Variants in GRM7 observed in about 807,000 individuals in gnomAD.
The protein encoded by GRM7 is glutamate metabotropic receptor 7, also known as metabotropic glutamate receptor 7.
GRM7 carries 35 observed loss-of-function variants against 84.5 expected under a neutral mutation model. The ratio of observed to expected loss-of-function variants is 0.41; its 90% CI spans 0.32 to 0.55. The LOEUF (loss-of-function observed/expected upper bound fraction) is 0.55. Among genes scored for constraint, GRM7 ranks in the 20% least tolerant of loss-of-function variants. GRM7 has a pLI of 0.19. For missense variants in GRM7, 1,003 were observed against 1,194.6 expected (o/e 0.84, Z 2.36); for synonymous variants, 487 against 455.1 (o/e 1.07, Z -0.89).
At chr3:7,499,708 T>G (rs1259152437) in intron 7 of GRM7, among the ~76,000 whole-genome samples, 1 of 152,030 alleles carries the variant, frequency 6.6e-6, no homozygotes, top group Non-Finnish European at 1.5e-5. Context: ...GATAAAACTG[T>G]TGAAGTGGAA....
intron 1 of GRM7, among the ~76,000 whole-genome samples, chr3:6,866,878 T>C (rs370884698): frequency 2.0e-5 from 3 of 152,312 alleles, no homozygotes; most frequent in East Asian, 3.9e-4. Flanking sequence ...ATTAGAATCT[T>C]CCCCAAGATG....
rs991371959 is a variant in GRM7, at chr3:7,002,215, G to A, written c.519+140308G>A. Among the ~76,000 whole-genome samples the A allele has an allele frequency of 3.3e-5, 5 of 152,138 alleles. No homozygotes were observed. In the East Asian group the frequency reaches 5.8e-4, roughly 18 times the overall value. On this transcript the variant is annotated intron_variant, in intron 1 of 9. Transcript: ENST00000357716. ...ATCTAAGGGTATAGTGGTTAGCTAC[G>A]TAGGCTCTGAATCAAACAGACCTGC...
intron 8 of GRM7, among the ~76,000 whole-genome samples, chr3:7,652,401 G>T (rs748661611): frequency 6.6e-6 from 1 of 152,172 alleles, no homozygotes; most frequent in African/African-American, 2.4e-5. Context: ...AGCAGTACCC[G>T]GCAAAGAGCA....
chr3:7,730,639 C>G (rs896830834), intron 9 of GRM7, among the ~76,000 whole-genome samples: 1 of 152,120 alleles, frequency 6.6e-6, no homozygotes, highest in African/African-American at 2.4e-5. Context: ...ATAGCAAGAC[C>G]TGGATTTCAG....
At chr3:6,974,693 C>T (rs186896238) in intron 1 of GRM7, among the ~76,000 whole-genome samples, 174 of 152,096 alleles carry the variant, frequency 1.1e-3, no homozygotes, top group African/African-American at 4.0e-3. Flanking sequence ...AGATAAGGAC[C>T]GAGGATGGCC....
intron 9 of GRM7, among the ~76,000 whole-genome samples, chr3:7,733,935 C>A (rs1702411007): frequency 6.6e-6 from 1 of 152,196 alleles, no homozygotes; most frequent in African/African-American, 2.4e-5. Context: ...TAGCACAGTA[C>A]ATCCTCTTCC....
At chr3:7,150,077 G>T (rs1007220439) in intron 2 of GRM7, among the ~76,000 whole-genome samples, 4 of 145,604 alleles carry the variant, frequency 2.7e-5, no homozygotes, top group African/African-American at 9.9e-5. Flanking sequence ...ATATGTGTGT[G>T]TGTGTGTGTG....
chr3:7,017,742 G>C (rs1249916926), intron 1 of GRM7, among the ~76,000 whole-genome samples: 1 of 152,128 alleles, frequency 6.6e-6, no homozygotes, highest in Non-Finnish European at 1.5e-5. Flanking sequence ...CTTTTAAAAA[G>C]TTGCCCATAT....
In GRM7 at chr3:7,076,908, C is replaced by T. The variant is rs192421795; in HGVS notation, c.520-69544C>T. On this transcript the variant is annotated intron_variant, in intron 1 of 9. Coordinates refer to ENST00000357716, the MANE Select transcript of GRM7 (RefSeq NM_000844.4). ...AAAAGCAACCCCATCAAAAAGTGGG[C>T]GAAGGATATGAATAGAAACTTCTCA... Among the ~76,000 whole-genome samples the T allele has an allele frequency of 1.1e-4, 17 of 152,094 alleles. No individual in the cohort carries two copies. In the East Asian group the frequency reaches 1.2e-3, roughly 10 times the overall value.
At chr3:7,455,936 C>T (rs1202499096) in intron 6 of GRM7, among the ~76,000 whole-genome samples, 1 of 152,002 alleles carries the variant, frequency 6.6e-6, no homozygotes, top group Non-Finnish European at 1.5e-5. Flanking sequence ...TCAGGAGTTG[C>T]CTAGTATCTG....
chr3:7,448,690 A>G (rs1306142123), intron 5 of GRM7, among the ~76,000 whole-genome samples: 1 of 152,194 alleles, frequency 6.6e-6, no homozygotes, highest in Admixed American at 6.6e-5. Flanking sequence ...ATTAGCTCCA[A>G]AGACAAATTT....
intron 8 of GRM7, chr3:7,591,355 A>G (rs1312686367): frequency 7.1e-6 from 2 of 281,540 alleles, no homozygotes; most frequent in Non-Finnish European, 1.4e-5. Flanking sequence ...AACAGTAAAG[A>G]TGAAAAAAAT....
intron 1 of GRM7, among the ~76,000 whole-genome samples, chr3:7,082,618 G>C (rs1239340004): frequency 6.6e-6 from 1 of 152,110 alleles, no homozygotes; most frequent in Non-Finnish European, 1.5e-5. Flanking sequence ...AGCTGCCATA[G>C]ATAGTGCTTC....
chr3:7,175,687 G>A (rs142424113), intron 2 of GRM7, among the ~76,000 whole-genome samples: 2,005 of 152,130 alleles, frequency 0.013, 20 homozygotes, highest in Admixed American at 0.028. Context: ...ACAGGCAGGT[G>A]CCATCACTCC....
chr3:7,131,418 G>A (rs1693594677), intron 1 of GRM7, among the ~76,000 whole-genome samples: 1 of 152,110 alleles, frequency 6.6e-6, no homozygotes, highest in Non-Finnish European at 1.5e-5. Context: ...AGGTGTCTGT[G>A]CATCTCTTAT....
chr3:7,058,321 A>T (rs1364032471), intron 1 of GRM7, among the ~76,000 whole-genome samples: 1 of 151,948 alleles, frequency 6.6e-6, no homozygotes, highest in African/African-American at 2.4e-5. Context: ...TGTATTCAAA[A>T]TTGAAAGTAT....
intron 1 of GRM7, among the ~76,000 whole-genome samples, chr3:7,130,076 T>A (rs1338468109): frequency 6.6e-6 from 1 of 152,182 alleles, no homozygotes; most frequent in East Asian, 1.9e-4. Context: ...CTCTGAGCAT[T>A]GTTTTCTTCC....
At position 7,245,704 on chromosome 3, in the gene GRM7, A is replaced by C. The variant is rs556621621; in HGVS notation, c.737-52980A>C. On this transcript the variant is annotated intron_variant, in intron 2 of 9. Coordinates refer to ENST00000357716, the MANE Select transcript of GRM7 (RefSeq NM_000844.4). ...GAATTTGAAAAACATAAGGGAAATG[A>C]TGCCTAATGATGATTTGGATCCATG... Among the ~76,000 whole-genome samples the C allele has an allele frequency of 3.3e-5, 5 of 152,166 alleles. No individual in the cohort carries two copies. The East Asian group carries it at 7.7e-4, about 23-fold the overall frequency.
intron 4 of GRM7, among the ~76,000 whole-genome samples, chr3:7,401,845 A>G (rs889776421): frequency 6.6e-5 from 10 of 152,112 alleles, no homozygotes; most frequent in African/African-American, 2.2e-4. Flanking sequence ...CCCCACGTCA[A>G]TATTAGTTAT....
Sources: allele counts gnomAD v4.1 joint callset (sites outside exome capture counted in the v4.1 genomes callset), GRCh38; gene constraint gnomAD v4.1.1; transcripts MANE v1.5; gene names NCBI Gene and HGNC (gene_info 2026-07-23, HGNC 2026-07-21).